DOCK10: variants seen among roughly 807,000 people sequenced by gnomAD.
DOCK10 encodes dedicator of cytokinesis protein 10.
A neutral mutation model predicts 280.1 loss-of-function variants in DOCK10; 145 were observed. The ratio of observed to expected loss-of-function variants is 0.52; its 90% CI spans 0.45 to 0.59. DOCK10 has a LOEUF of 0.59. Among genes scored for constraint, DOCK10 ranks in the 20% least tolerant of loss-of-function variants. The pLI is 0.00. For synonymous variants in DOCK10, 915 were observed against 942.2 expected, an observed-to-expected ratio of 0.97 and a Z score of 0.53; for missense variants, 2,368 against 2,651.7, an observed-to-expected ratio of 0.89 and a Z score of 2.35.
At chr2:224,767,703 T>C (rs1284144664) in intron 55 of DOCK10, among the ~76,000 whole-genome samples, 4 of 152,104 alleles carry the variant, frequency 2.6e-5, no homozygotes, top group Admixed American at 2.0e-4. Context: ...CTACAATGTG[T>C]ACTGAGTTAA....
chr2:224,874,635 G>T (rs1313227376), intron 9 of DOCK10, 31 bp downstream of exon 9: 3 of 1,569,934 alleles, frequency 1.9e-6, no homozygotes, highest in Non-Finnish European at 2.6e-6. Flanking sequence ...AATTCAAATT[G>T]GTTTTGCAAG....
chr2:225,027,797 T>G (rs1047116840), intron 1 of DOCK10, among the ~76,000 whole-genome samples: 1 of 152,230 alleles, frequency 6.6e-6, no homozygotes, highest in Admixed American at 6.5e-5. Context: ...TCTCAGGTAT[T>G]TCTTTATAGC....
chr2:224,911,530 G>A (rs138058204), intron 3 of DOCK10, among the ~76,000 whole-genome samples: 1 of 152,136 alleles, frequency 6.6e-6, no homozygotes, highest in Non-Finnish European at 1.5e-5. Context: ...CTAGAGATTG[G>A]GGGTGAAGGT....
chr2:224,821,483 C>T (rs896624345), intron 28 of DOCK10, among the ~76,000 whole-genome samples: 9 of 152,140 alleles, frequency 5.9e-5, no homozygotes, highest in South Asian at 2.1e-4. Context: ...CAAATGACTA[C>T]GTTCAGTTTT....
intron 8 of DOCK10, among the ~76,000 whole-genome samples, chr2:224,875,234 G>A (rs1022644275): frequency 2.0e-5 from 3 of 152,290 alleles, no homozygotes; most frequent in Middle Eastern, 3.4e-3. Flanking sequence ...CAGTAGTTGT[G>A]TTAAAATCAA....
At chr2:224,937,106 A>G (rs1037200320) in intron 1 of DOCK10, among the ~76,000 whole-genome samples, 10 of 152,208 alleles carry the variant, frequency 6.6e-5, no homozygotes, top group Non-Finnish European at 1.5e-4. Flanking sequence ...AATAACTAAA[A>G]TATTTTTCAC....
At chr2:224,863,746 C>A (rs1016936151) in intron 13 of DOCK10, among the ~76,000 whole-genome samples, 1 of 152,096 alleles carries the variant, frequency 6.6e-6, no homozygotes, top group Non-Finnish European at 1.5e-5. Flanking sequence ...CCACTGCGCC[C>A]GGCCTTAATA....
At chr2:224,854,630 C>T (rs543877417) in intron 16 of DOCK10, among the ~76,000 whole-genome samples, 44 of 152,182 alleles carry the variant, frequency 2.9e-4, no homozygotes, top group South Asian at 1.9e-3. Context: ...TGAAACCCTC[C>T]GGGGTTTTGA....
rs577628497 is a variant in DOCK10, at chr2:224,879,442, C to CA, written c.748-3222dup. ...TGTTCTATCACAGCACAATTTCCTT[C>CA]AAAAAAACAACAGGAATAGAAATAG... On this transcript the variant is annotated intron_variant, in intron 7 of 55. Transcript: ENST00000258390. 1.7e-4 allele frequency among the ~76,000 whole-genome samples: 26 copies of CA among 152,082 alleles called. No homozygotes were observed. The South Asian group carries it at 3.9e-3, about 23-fold the overall frequency.
At chr2:224,925,730 C>T (rs552040940) in intron 2 of DOCK10, among the ~76,000 whole-genome samples, 4 of 152,204 alleles carry the variant, frequency 2.6e-5, no homozygotes, top group African/African-American at 9.7e-5. Flanking sequence ...TTTCAGACAT[C>T]AGAACTTTCT....
At chr2:224,835,588 T>C (rs893351575) in intron 25 of DOCK10, among the ~76,000 whole-genome samples, 3 of 152,098 alleles carry the variant, frequency 2.0e-5, no homozygotes, top group Admixed American at 2.0e-4. Flanking sequence ...GTAACAAGAG[T>C]CCAATCACAG....
At chr2:224,797,792 T>C (rs969886654) in intron 42 of DOCK10, 40 bp downstream of exon 42, 9 of 1,598,420 alleles carry the variant, frequency 5.6e-6, no homozygotes, top group Admixed American at 1.8e-5. Context: ...GGGTTTACTG[T>C]CATCCTACCT....
At chr2:224,859,094 T>C (rs902578940) in intron 14 of DOCK10, among the ~76,000 whole-genome samples, 1 of 152,190 alleles carries the variant, frequency 6.6e-6, no homozygotes, top group Non-Finnish European at 1.5e-5. Flanking sequence ...AAGGAAGCAC[T>C]GTGGGATGTA....
chr2:224,792,151 A>G lies in DOCK10; in HGVS notation c.5311+823T>C, dbSNP rs187213052. ...CAAAAAATCAGACATTAATGATGGA[A>G]TATTTCTAAAGGAAATCTGTACCAT... On this transcript the variant is annotated intron_variant, in intron 47 of 55. Coordinates refer to ENST00000258390, the MANE Select transcript of DOCK10 (RefSeq NM_014689.3). 1.4e-3 allele frequency among the ~76,000 whole-genome samples: 219 copies of G among 152,360 alleles called. 1 individual carries two copies. Among genetic ancestry groups the G allele is most frequent in the East Asian group, 2.1e-3 (11 of 5,192 alleles).
intron 11 of DOCK10, among the ~76,000 whole-genome samples, chr2:224,873,524 T>C (rs1255384176): frequency 7.2e-6 from 1 of 139,472 alleles, no homozygotes; most frequent in East Asian, 2.1e-4. Context: ...GCGGCTGCAC[T>C]GAGCTGAGGC....
At chr2:225,025,470 A>G (rs12165135) in intron 1 of DOCK10, among the ~76,000 whole-genome samples, 5,689 of 152,286 alleles carry the variant, frequency 0.037, 293 homozygotes, top group African/African-American at 0.12. Flanking sequence ...CACCACAACT[A>G]GAAAAAAATA....
chr2:224,817,047 G>GT (rs1230144838), intron 29 of DOCK10, among the ~76,000 whole-genome samples: 2 of 152,134 alleles, frequency 1.3e-5, no homozygotes, highest in African/African-American at 4.8e-5. Flanking sequence ...AATTCCTGCT[G>GT]TAACACATGC....
intron 19 of DOCK10, 59 bp from the exon 20 acceptor site, chr2:224,845,701 C>A: frequency 6.8e-7 from 1 of 1,474,018 alleles, no homozygotes; most frequent in Non-Finnish European, 9.2e-7. Flanking sequence ...AATATCAGAG[C>A]AAGACAAAGC....
chr2:224,881,743 T>C (rs946583428), intron 7 of DOCK10, among the ~76,000 whole-genome samples: 1 of 152,236 alleles, frequency 6.6e-6, no homozygotes, highest in Non-Finnish European at 1.5e-5. Flanking sequence ...CTTATTGTTC[T>C]CGGAAGTGAG....
Sources: gnomAD v4.1 joint callset for allele counts (sites outside exome capture counted in the v4.1 genomes callset) on GRCh38, gnomAD v4.1.1 for gene constraint, MANE v1.5 for transcripts, NCBI Gene and HGNC (gene_info 2026-07-23, HGNC 2026-07-21) for gene names.